Variants in CTNNA2 observed in about 807,000 individuals in gnomAD.
CTNNA2 encodes catenin alpha-2.
In CTNNA2, 42 loss-of-function variants were observed where a neutral mutation model predicts 101.0. The ratio of observed to expected loss-of-function variants is 0.42; its 90% CI spans 0.32 to 0.54. The LOEUF (loss-of-function observed/expected upper bound fraction) is 0.54, where lower values mean the gene tolerates loss of function less well. Among genes scored for constraint, CTNNA2 ranks in the 20% least tolerant of loss-of-function variants. The pLI is 0.14. For synonymous variants in CTNNA2, 450 were observed against 456.4 expected (o/e 0.99, Z 0.18); for missense variants, 871 against 1,223.1 (o/e 0.71, Z 4.29).
chr2:80,401,637 T>A (rs946798956), intron 8 of CTNNA2, among the ~76,000 whole-genome samples: 1 of 152,130 alleles, frequency 6.6e-6, no homozygotes, highest in Non-Finnish European at 1.5e-5. Flanking sequence ...GATGGAACTT[T>A]CAGACCTCAT....
At chr2:79,193,652 G>C (rs1673906544) in intron 1 of CTNNA2, among the ~76,000 whole-genome samples, 1 of 152,002 alleles carries the variant, frequency 6.6e-6, no homozygotes, top group South Asian at 2.1e-4. Flanking sequence ...TTTCAAATAG[G>C]GCATCTCTAG....
intron 7 of CTNNA2, among the ~76,000 whole-genome samples, chr2:79,966,701 G>A (rs975154972): frequency 6.6e-6 from 1 of 152,204 alleles, no homozygotes; most frequent in Non-Finnish European, 1.5e-5. Context: ...CATGGAAATT[G>A]CTCTTTTCAA....
intron 7 of CTNNA2, among the ~76,000 whole-genome samples, chr2:80,373,446 A>G (rs2149336917): frequency 6.6e-6 from 1 of 152,308 alleles, no homozygotes; most frequent in African/African-American, 2.4e-5. Flanking sequence ...TACCTAAAAT[A>G]CTTCAAGTTT....
At chr2:79,384,705 G>A (rs1035372214) in intron 4 of CTNNA2, among the ~76,000 whole-genome samples, 1 of 152,052 alleles carries the variant, frequency 6.6e-6, no homozygotes, top group African/African-American at 2.4e-5. Flanking sequence ...CACTCTCTTT[G>A]CACATTTGCA....
At chr2:79,288,135 G>C (rs1489133307) in intron 2 of CTNNA2, among the ~76,000 whole-genome samples, 1 of 152,154 alleles carries the variant, frequency 6.6e-6, no homozygotes, top group African/African-American at 2.4e-5. Flanking sequence ...CCACTGACCT[G>C]TGCCCACTGT....
rs1313067220 is a variant in CTNNA2, at chr2:79,237,231, G to A, written c.-406+39155G>A. Reference sequence around the variant, plus strand: ...TAATCATCTTGTACATCTCTTGGGTGAGTTCTTGGGCAACCAGGTGCATTA... The same window carrying A: ...TAATCATCTTGTACATCTCTTGGGTAAGTTCTTGGGCAACCAGGTGCATTA... On this transcript the variant is annotated intron_variant, in intron 2 of 21. Coordinates refer to the CTNNA2 transcript ENST00000466387. Among the ~76,000 whole-genome samples the A allele has an allele frequency of 2.0e-5, 3 of 152,212 alleles. No individual in the cohort carries two copies. The East Asian group carries it at 5.8e-4, about 29-fold the overall frequency.
intron 7 of CTNNA2, among the ~76,000 whole-genome samples, chr2:80,368,920 G>T (rs1338368173): frequency 1.3e-5 from 2 of 150,666 alleles, no homozygotes; most frequent in Non-Finnish European, 3.0e-5. Flanking sequence ...AATGAGAAAT[G>T]ATGGTAGGAG....
intron 7 of CTNNA2, among the ~76,000 whole-genome samples, chr2:80,135,278 C>T (rs1702630745): frequency 6.6e-6 from 1 of 152,160 alleles, no homozygotes; most frequent in Admixed American, 6.5e-5. Flanking sequence ...GCAGGAAGGC[C>T]TGACAAATGG....
intron 5 of CTNNA2, among the ~76,000 whole-genome samples, chr2:79,505,814 C>T (rs956246368): frequency 1.3e-5 from 2 of 152,146 alleles, no homozygotes; most frequent in Admixed American, 6.5e-5. Flanking sequence ...GCATTTATCT[C>T]GAGTTGTCAG....
At chr2:80,108,695 A>G (rs1434625546) in intron 7 of CTNNA2, among the ~76,000 whole-genome samples, 1 of 152,086 alleles carries the variant, frequency 6.6e-6, no homozygotes, top group Non-Finnish European at 1.5e-5. Context: ...GATTTTACTC[A>G]CTTTAGAGAT....
intron 7 of CTNNA2, among the ~76,000 whole-genome samples, chr2:80,020,349 G>A (rs1694469395): frequency 6.6e-6 from 1 of 152,132 alleles, no homozygotes; most frequent in African/African-American, 2.4e-5. Context: ...TATCTCCCAG[G>A]ATGTTATAGG....
chr2:79,778,724 CCTTT>C lies in CTNNA2; in HGVS notation c.298+34153_298+34156del, dbSNP rs576181782. Among the ~76,000 whole-genome samples the C allele has an allele frequency of 5.6e-3, 845 of 152,084 alleles. 5 individuals carry two copies. Among genetic ancestry groups the C allele is most frequent in the South Asian group, 0.025 (119 of 4,816 alleles). On this transcript the variant is annotated intron_variant, in intron 3 of 18. Transcript: ENST00000402739. ...ATGGAATTAGATTACATTTTCCTTG[CCTTT>C]CTTTCTTTCTCTCTCTCCTCTCTCT...
chr2:79,239,051 T>C (rs546452345), intron 2 of CTNNA2, among the ~76,000 whole-genome samples: 2 of 152,292 alleles, frequency 1.3e-5, no homozygotes, highest in East Asian at 3.9e-4. Context: ...GCTGCACCTA[T>C]CAACCCATCA....
chr2:80,611,352 T>G (rs1698454887), intron 17 of CTNNA2, among the ~76,000 whole-genome samples: 2 of 148,618 alleles, frequency 1.3e-5, no homozygotes, highest in Non-Finnish European at 3.0e-5. Context: ...AAGAAGAAGG[T>G]AGAAGAAAAG....
chr2:80,619,694 A>G (rs1558650429), intron 18 of CTNNA2, among the ~76,000 whole-genome samples: 1 of 151,908 alleles, frequency 6.6e-6, no homozygotes, highest in Non-Finnish European at 1.5e-5. Context: ...ATACATGAGG[A>G]TTATCAACAA....
Position 80,170,211 on chromosome 2 carries a change from C to G in CTNNA2, c.1057-223000C>G, listed in dbSNP as rs941551954. ...CTTGTCTCTCTCTCTCTCTCTCTAT[C>G]TCTCTCTCTCTCTCTCTCTCTGTGT... On this transcript the variant is annotated intron_variant, in intron 7 of 18. Coordinates refer to ENST00000402739, the MANE Select transcript of CTNNA2 (RefSeq NM_001282597.3). Among the ~76,000 whole-genome samples the G allele has an allele frequency of 3.2e-3, 469 of 146,716 alleles. 3 individuals carry two copies. The highest frequency in any genetic ancestry group is 8.4e-3 in the African/African-American group (332 of 39,348).
chr2:79,706,453 G>A (rs1362028924), intron 2 of CTNNA2, among the ~76,000 whole-genome samples: 2 of 151,694 alleles, frequency 1.3e-5, no homozygotes, highest in East Asian at 1.9e-4. Flanking sequence ...GGGTTTGGGG[G>A]AAAAAACCTT....
intron 4 of CTNNA2, among the ~76,000 whole-genome samples, chr2:79,470,006 C>A (rs1323021191): frequency 6.6e-6 from 1 of 152,122 alleles, no homozygotes; most frequent in East Asian, 1.9e-4. Context: ...TCCTATTCAA[C>A]ATAGTGTTGG....
intron 9 of CTNNA2, among the ~76,000 whole-genome samples, chr2:80,516,373 G>A (rs925074592): frequency 5.3e-5 from 8 of 152,116 alleles, no homozygotes; most frequent in African/African-American, 1.4e-4. Context: ...GGTCCTTACC[G>A]TTTTGCCTCA....
Sources: gnomAD v4.1 joint callset for allele counts (sites outside exome capture counted in the v4.1 genomes callset) on GRCh38, gnomAD v4.1.1 for gene constraint, MANE v1.5 for transcripts, NCBI Gene and HGNC (gene_info 2026-07-23, HGNC 2026-07-21) for gene names.